Variants in SLC26A9 observed in about 807,000 individuals in gnomAD.
SLC26A9 encodes the protein solute carrier family 26 member 9, also known as anion transporter/exchanger protein 9.
A neutral mutation model predicts 87.1 loss-of-function variants in SLC26A9; 46 were observed. The ratio of observed to expected loss-of-function variants is 0.53; its 90% CI spans 0.42 to 0.67. The LOEUF is 0.67. Among genes scored for constraint, SLC26A9 ranks in the 30% least tolerant of loss-of-function variants. The pLI, the probability that SLC26A9 is intolerant of heterozygous loss-of-function variation, is 0.00. For missense variants in SLC26A9, 927 were observed against 1,018.3 expected (o/e 0.91, Z 1.22); for synonymous variants, 437 against 409.1 (o/e 1.07, Z -0.82).
rs1234170874 is a variant in SLC26A9 at position 205,927,502 on chromosome 1, C to G, written c.1205G>C (p.Gly402Ala). The G allele has an allele frequency of 6.2e-7, 1 of 1,613,906 alleles. No individual in the cohort carries two copies. The highest frequency in any genetic ancestry group is 1.1e-5 in the South Asian group (1 of 91,044). The part of the protein sequence containing the change: ...SVTLAVDGAG[G>A]KSQVASLCVS... The stretch of plus-strand genomic sequence containing the variant: ...TAGAACAAGGCTCACCTGGGATTTT[C>G]CTCCAGCTCCATCCACAGCCAGAGT... The change falls in exon 10 of 21, where the codon GGA becomes GCA. Residue 402 changes from glycine to alanine, a missense_variant. Gly to Ala is a moderately conservative substitution (Grantham distance 60, BLOSUM62 0). Coordinates refer to ENST00000367135, the MANE Select transcript of SLC26A9 (RefSeq NM_052934.4).
At chr1:205,918,442 C>T (rs1458421879) in intron 19 of SLC26A9, among the ~76,000 whole-genome samples, 1 of 152,150 alleles carries the variant, frequency 6.6e-6, no homozygotes, top group East Asian at 1.9e-4. Context: ...GGCTTACTCC[C>T]CTCCCCTCCC....
intron 1 of SLC26A9, among the ~76,000 whole-genome samples, chr1:205,942,257 T>A (rs1342061): frequency 0.64 from 96,778 of 152,140 alleles, 31,544 homozygotes; most frequent in East Asian, 0.94. Flanking sequence ...TGGGAAGGCC[T>A]TCCTGGCAGT....
Position 205,926,667 on chromosome 1 carries a change from C to T in SLC26A9, c.1294-37G>A, listed in dbSNP as rs767037168. On this transcript the variant is annotated intron_variant, in intron 11 of 20. Transcript: ENST00000367135. ...GAACATTGCTCCAGGACCCCAGGGT[C>T]TCCCCTTCTTTTTGCCCTCCTGCGC... 3.8e-6 allele frequency: 6 copies of T among 1,589,610 alleles called. No homozygotes were observed. In the Admixed American group the frequency reaches 1.0e-4, roughly 27 times the overall value.
rs1432126846 is a variant in SLC26A9, at chr1:205,917,341, G to C, written c.2270C>G (p.Ala757Gly). 6.2e-7 allele frequency: 1 copy of C among 1,614,018 alleles called. No individual in the cohort carries two copies. The highest frequency in any genetic ancestry group is 1.7e-5 in the Admixed American group (1 of 60,010). Reference protein sequence around the residue: ...GHNFQGAPGDAELSLYDSEED... With the variant: ...GHNFQGAPGDGELSLYDSEED... The stretch of plus-strand genomic sequence containing the variant: ...CTCTGAGTCGTACAAGGAGAGCTCA[G>C]CATCCCCTGGAGCCTGGAAGGGAGG... Residue 757 changes from alanine (A) to glycine (G), a missense_variant, in exon 20 of 21, where the codon GCT (alanine) becomes GGT (glycine). By Grantham distance (60) the Ala-to-Gly change is moderately conservative. Transcript: ENST00000367135.
Position 205,927,296 on chromosome 1 carries a change from G to A in SLC26A9, c.1216-8C>T, listed in dbSNP as rs199744061. 7.9e-5 allele frequency: 128 copies of A among 1,614,058 alleles called. No homozygotes were observed. Among genetic ancestry groups the A allele is most frequent in the Non-Finnish European group, 9.8e-5 (116 of 1,179,966 alleles). ...CACACACAGGCTGGCCACCTATTCC[G>A]AGAAAGAGTTGGGGATAGAGGGAAG... On this transcript the variant is annotated splice_polypyrimidine_tract_variant and splice_region_variant and intron_variant, in intron 10 of 20. Transcript: ENST00000367135.
intron 8 of SLC26A9, chr1:205,928,281 C>T (rs544345897): frequency 3.2e-5 from 18 of 570,118 alleles, no homozygotes; most frequent in Admixed American, 2.4e-4. Flanking sequence ...CCAAGGTCCC[C>T]GGGCCAGTAT....
intron 2 of SLC26A9, among the ~76,000 whole-genome samples, chr1:205,934,409 T>C (rs1659427160): frequency 6.6e-6 from 1 of 152,254 alleles, no homozygotes; most frequent in South Asian, 2.1e-4. Flanking sequence ...GCCGGACTTA[T>C]GAATAGAGAG....
chr1:205,935,780 G>A lies in SLC26A9; in HGVS notation c.41C>T (p.Ala14Val), dbSNP rs1427564901. The change falls in exon 2 of 21, where the codon GCA becomes GTA. Residue 14 changes from alanine to valine, a missense_variant. Transcript: ENST00000367135. Reference protein sequence around the residue: ...PRPRYVVDRAAYSLTLFDDEF... With the variant: ...PRPRYVVDRAVYSLTLFDDEF... ...ATCGTCGAAGAGGGTAAGGGAGTATGCGGCTCTGTCTACCACGTAGCGGGG... is the reference window on the plus strand; with the variant it reads ...ATCGTCGAAGAGGGTAAGGGAGTATACGGCTCTGTCTACCACGTAGCGGGG... 7 of 1,614,000 alleles carry A rather than the reference G, an allele frequency of 4.3e-6. No homozygotes were observed. The South Asian group carries it at 6.6e-5, about 15-fold the overall frequency.
chr1:205,927,665 G>A (rs1325548274), intron 9 of SLC26A9, 60 bp from the exon 10 acceptor site: 2 of 1,510,202 alleles, frequency 1.3e-6, no homozygotes, highest in South Asian at 1.2e-5. Context: ...GGGACCAAGT[G>A]CAGTCAGGCA....
At chr1:205,935,106 G>T (rs1486233234) in intron 2 of SLC26A9, 1 of 152,170 alleles carries the variant, frequency 6.6e-6, no homozygotes, top group African/African-American at 2.4e-5. Flanking sequence ...CTTGTGTAGC[G>T]CCTACTTAGG....
At chr1:205,921,931 G>T in intron 16 of SLC26A9, 84 bp from the exon 17 acceptor site, 1 of 1,479,824 alleles carries the variant, frequency 6.8e-7, no homozygotes, top group Non-Finnish European at 9.1e-7. Context: ...GGCATGGAGG[G>T]TGTAGGTGTA....
At chr1:205,917,563 TCTTCC>T (rs1265952652) in intron 19 of SLC26A9, among the ~76,000 whole-genome samples, 1 of 152,132 alleles carries the variant, frequency 6.6e-6, no homozygotes, top group Admixed American at 6.6e-5. Flanking sequence ...TGTATCGCGG[TCTTCC>T]CTCCTTTGTG....
chr1:205,922,941 C>A, intron 16 of SLC26A9, 141 bp downstream of exon 16: 1 of 723,440 alleles, frequency 1.4e-6, no homozygotes, highest in Non-Finnish European at 2.4e-6. Flanking sequence ...GCCCAGCGGC[C>A]ACCAGGCAGT....
rs143013664 is a variant in SLC26A9, at chr1:205,920,763, G to T, written c.2056-533C>A. ...TCCACCTGCCTTGGCCTCCCAAAGT[G>T]CTGGGATTACAGGAGTGAGCCACCA... On this transcript the variant is annotated intron_variant, in intron 17 of 20. Transcript: ENST00000367135. Among the ~76,000 whole-genome samples, 752 of 152,338 alleles carry T rather than the reference G, an allele frequency of 4.9e-3. 4 individuals carry two copies. The highest frequency in any genetic ancestry group is 0.017 in the African/African-American group (720 of 41,586).
At chr1:205,927,813 C>T in intron 9 of SLC26A9, 89 bp downstream of exon 9, 1 of 1,559,388 alleles carries the variant, frequency 6.4e-7, no homozygotes, top group South Asian at 1.2e-5. Context: ...TGCCTCACCT[C>T]AGCCCAATGA....
In SLC26A9 at chr1:205,917,362, G is replaced by A; in HGVS notation, c.2257-8C>T. ...CTCAGCATCCCCTGGAGCCTGGAAG[G>A]GAGGAAGCCAGTGCAGAATGAGCTT... On this transcript the variant is annotated splice_region_variant and splice_polypyrimidine_tract_variant and intron_variant, in intron 19 of 20. Transcript: ENST00000367135. The A allele has an allele frequency of 6.2e-7, 1 of 1,613,974 alleles. No individual in the cohort carries two copies. Among genetic ancestry groups the A allele is most frequent in the Admixed American group, 1.7e-5 (1 of 60,018 alleles).
At chr1:205,922,987 G>T in intron 16 of SLC26A9, 95 bp downstream of exon 16, 1 of 1,038,232 alleles carries the variant, frequency 9.6e-7, no homozygotes, top group Non-Finnish European at 1.5e-6. Context: ...CTGTCAGGGT[G>T]GGAAGCGGGG....
intron 4 of SLC26A9, 147 bp from the exon 5 acceptor site, chr1:205,932,182 T>C: frequency 1.1e-6 from 1 of 918,932 alleles, no homozygotes; most frequent in Non-Finnish European, 1.6e-6. Flanking sequence ...TAACAACCAC[T>C]CACTCTAACC....
In SLC26A9 at chr1:205,943,147, C is replaced by T. The variant is rs190841990; in HGVS notation, c.-19+218G>A. Among the ~76,000 whole-genome samples, 12 of 152,328 alleles carry T rather than the reference C, an allele frequency of 7.9e-5. No homozygotes were observed. In the East Asian group the frequency reaches 2.1e-3, roughly 27 times the overall value. On this transcript the variant is annotated intron_variant, in intron 1 of 20. Coordinates refer to ENST00000367135, the MANE Select transcript of SLC26A9 (RefSeq NM_052934.4). ...GCTCCCTCAGTCAAGCCCAGCCTTG[C>T]AGCCCAGGTCCTTACATAGACGTGA...
Sources: allele counts gnomAD v4.1 joint callset (sites outside exome capture counted in the v4.1 genomes callset), GRCh38; gene constraint gnomAD v4.1.1; transcripts MANE v1.5; gene names NCBI Gene and HGNC (gene_info 2026-07-23, HGNC 2026-07-21).